The following LRRC69 variants were observed in gnomAD, a reference collection of about 807,000 sequenced individuals.
The protein encoded by LRRC69 is leucine rich repeat containing 69.
A neutral mutation model predicts 37.8 loss-of-function variants in LRRC69; 42 were observed. The ratio of observed to expected loss-of-function variants is 1.11; its 90% confidence interval spans 0.87 to 1.44. The LOEUF is 1.44. LRRC69 is among the 40% of genes most tolerant of loss of function. LRRC69 has a pLI of 0.00. For synonymous variants in LRRC69, 141 were observed against 143.1 expected (o/e 0.99, Z 0.11); for missense variants, 357 against 401.9 (o/e 0.89, Z 0.96).
chr8:91,157,578 G>A (rs1808859575), intron 5 of LRRC69: 1 of 1,538,290 alleles, frequency 6.5e-7, no homozygotes. Flanking sequence ...ATATCAGAAT[G>A]TTTACAACTG....
chr8:91,199,330 C>T (rs756673272), intron 6 of LRRC69, among the ~76,000 whole-genome samples: 1 of 152,108 alleles, frequency 6.6e-6, no homozygotes, highest in Non-Finnish European at 1.5e-5. Context: ...GGAGAATGAG[C>T]TTAAGTGGGT....
intron 5 of LRRC69, among the ~76,000 whole-genome samples, chr8:91,147,205 T>C (rs1164664497): frequency 6.7e-6 from 1 of 148,200 alleles, no homozygotes; most frequent in African/African-American, 2.5e-5. Context: ...CTTTAAAGTT[T>C]ATTTTTTTCT....
chr8:91,156,533 C>G lies in LRRC69; in HGVS notation c.651+20794C>G, dbSNP rs558763837. Among the ~76,000 whole-genome samples, 3 of 151,134 alleles carry G rather than the reference C, an allele frequency of 2.0e-5. 1 individual carries two copies. The Admixed American group carries it at 2.0e-4, about 10-fold the overall frequency. On this transcript the variant is annotated intron_variant, in intron 5 of 7. Transcript: ENST00000448384. ...TGCCTTTCTACAAGTTATCTCTTCA[C>G]TCAGTTGATTGTTTCCTTTAATATG...
rs1186601291 is a variant in LRRC69, at chr8:91,125,958, A to G, written c.311-1130A>G. On this transcript the variant is annotated intron_variant, in intron 2 of 7. Coordinates refer to ENST00000448384, the Ensembl canonical transcript of LRRC69. ...ATTTTGATACCTATAATATATAGTG[A>G]TCAGATCAGGGTAATTGGCATAGCC... Among the ~76,000 whole-genome samples, 3 of 152,050 alleles carry G rather than the reference A, an allele frequency of 2.0e-5. 1 individual carries two copies. The highest frequency in any genetic ancestry group is 3.9e-4 in the East Asian group (2 of 5,180).
At chr8:91,126,001 T>C (rs1813707551) in intron 2 of LRRC69, among the ~76,000 whole-genome samples, 1 of 151,994 alleles carries the variant, frequency 6.6e-6, no homozygotes, top group African/African-American at 2.4e-5. Flanking sequence ...CAAACACTTA[T>C]CATTTCTTCG....
At chr8:91,137,190 C>T (rs1237337132) in intron 5 of LRRC69, among the ~76,000 whole-genome samples, 1 of 151,936 alleles carries the variant, frequency 6.6e-6, no homozygotes, top group Non-Finnish European at 1.5e-5. Context: ...TTAATATTGA[C>T]CTTGAAAATG....
intron 4 of LRRC69, among the ~76,000 whole-genome samples, chr8:91,135,134 C>T (rs891798136): frequency 1.3e-5 from 2 of 152,002 alleles, no homozygotes; most frequent in Admixed American, 6.6e-5. Flanking sequence ...CTGAAAATCT[C>T]TGCAGCTAAA....
At chr8:91,143,056 G>A (rs1301269218) in intron 5 of LRRC69, among the ~76,000 whole-genome samples, 4 of 152,036 alleles carry the variant, frequency 2.6e-5, no homozygotes, top group Non-Finnish European at 5.9e-5. Context: ...TGTTTAATTC[G>A]GTTAGCCTTA....
chr8:91,212,696 T>C (rs1405182905), intron 7 of LRRC69, among the ~76,000 whole-genome samples: 1 of 152,164 alleles, frequency 6.6e-6, no homozygotes, highest in Admixed American at 6.6e-5. Context: ...CAGTCAACTG[T>C]GAAAATGAAT....
intron 6 of LRRC69, among the ~76,000 whole-genome samples, chr8:91,193,372 C>A (rs1391862095): frequency 1.4e-5 from 2 of 142,020 alleles, no homozygotes; most frequent in African/African-American, 2.6e-5. Flanking sequence ...TAGTTTTTTC[C>A]AATTCTGTGA....
intron 5 of LRRC69, among the ~76,000 whole-genome samples, chr8:91,168,473 C>T (rs1437195404): frequency 1.3e-5 from 2 of 151,848 alleles, no homozygotes; most frequent in Non-Finnish European, 2.9e-5. Context: ...TCCAGGAAAG[C>T]TTTTGTTTTT....
chr8:91,141,805 G>A (rs1392697483), intron 5 of LRRC69, among the ~76,000 whole-genome samples: 1 of 151,960 alleles, frequency 6.6e-6, no homozygotes, highest in African/African-American at 2.4e-5. Flanking sequence ...TCAGCTAGGT[G>A]GTAATTTCAT....
chr8:91,175,537 TAG>T (rs1319426093), intron 5 of LRRC69, among the ~76,000 whole-genome samples: 2 of 152,122 alleles, frequency 1.3e-5, no homozygotes, highest in East Asian at 3.9e-4. Context: ...CTTTTGCGGC[TAG>T]GTGATTGAAT....
At chr8:91,125,264 A>G (rs982307455) in intron 2 of LRRC69, among the ~76,000 whole-genome samples, 5 of 151,878 alleles carry the variant, frequency 3.3e-5, no homozygotes, top group Non-Finnish European at 7.4e-5. Context: ...TAGTAAAATG[A>G]GAGAAATATT....
intron 1 of LRRC69, among the ~76,000 whole-genome samples, chr8:91,122,361 G>A (rs966751523): frequency 3.9e-5 from 6 of 151,926 alleles, no homozygotes; most frequent in Admixed American, 1.3e-4. Context: ...CCTCTGGACC[G>A]AAGGGCAGGC....
In LRRC69 at chr8:91,161,653, A is replaced by C. The variant is rs912047260; in HGVS notation, c.651+25914A>C. Among the ~76,000 whole-genome samples the C allele has an allele frequency of 2.0e-5, 3 of 150,844 alleles. No individual in the cohort carries two copies. The Admixed American group carries it at 2.0e-4, about 10-fold the overall frequency. On this transcript the variant is annotated intron_variant, in intron 5 of 7. Coordinates refer to ENST00000448384, the Ensembl canonical transcript of LRRC69. ...TTAATGTGTCTCCTTTTTCATTTCT[A>C]ATTTTATGTATTGGAATCTTCTGTC...
intron 5 of LRRC69, among the ~76,000 whole-genome samples, chr8:91,148,062 C>G (rs113438586): frequency 4.7e-5 from 7 of 150,062 alleles, no homozygotes; most frequent in East Asian, 2.0e-4. Flanking sequence ...TGGCTGCATA[C>G]TATTCCATGG....
chr8:91,124,455 A>G (rs1462871817), intron 1 of LRRC69, 38 bp from the exon 2 acceptor site: 6 of 1,426,810 alleles, frequency 4.2e-6, no homozygotes, highest in South Asian at 1.5e-5. Flanking sequence ...TTGAAGTTGG[A>G]TGATATATGA....
intron 5 of LRRC69, among the ~76,000 whole-genome samples, chr8:91,149,479 T>C (rs1563605012): frequency 1.3e-5 from 2 of 152,170 alleles, no homozygotes; most frequent in African/African-American, 4.8e-5. Flanking sequence ...GCTGTTTTGG[T>C]TACTGTAGCC....
Sources: gnomAD v4.1 joint callset for allele counts (sites outside exome capture counted in the v4.1 genomes callset) on GRCh38, gnomAD v4.1.1 for gene constraint, MANE v1.5 for transcripts, NCBI Gene and HGNC (gene_info 2026-07-23, HGNC 2026-07-21) for gene names.